Variants in CRMP1 observed in about 807,000 individuals in gnomAD.
CRMP1 encodes the protein dihydropyrimidinase-related protein 1.
Under a neutral mutation model 68.3 loss-of-function variants are expected in CRMP1, and 19 were observed. That is an observed-to-expected ratio of 0.28 (90% CI 0.19 to 0.41). CRMP1 has a LOEUF of 0.41. CRMP1 is among the 10% of genes least tolerant of loss of function. The pLI is 1.00. For synonymous variants in CRMP1, 439 were observed against 399.6 expected (o/e 1.10, Z -1.18); for missense variants, 791 against 967.4 (o/e 0.82, Z 2.42).
chr4:5,844,934 A>T (rs551369609), intron 6 of CRMP1, among the ~76,000 whole-genome samples: 11 of 152,242 alleles, frequency 7.2e-5, no homozygotes, highest in Non-Finnish European at 1.2e-4. Flanking sequence ...CTCACGCATC[A>T]CGGTTCCAAA....
intron 8 of CRMP1, among the ~76,000 whole-genome samples, chr4:5,840,818 C>T (rs1197546514): frequency 6.6e-6 from 1 of 152,126 alleles, no homozygotes; most frequent in Non-Finnish European, 1.5e-5. Flanking sequence ...GCAAGCTGTG[C>T]TGTTCTAGCC....
chr4:5,836,107 G>A (rs1187379721), intron 10 of CRMP1, 22 bp from the exon 11 acceptor site: 4 of 1,450,356 alleles, frequency 2.8e-6, no homozygotes, highest in South Asian at 3.3e-5. Context: ...ACCCACAGAT[G>A]AGAAGAGCAT....
Position 5,855,561 on chromosome 4 carries a change from T to C in CRMP1, c.820+582A>G, listed in dbSNP as rs562103409. Among the ~76,000 whole-genome samples, 138 of 152,280 alleles carry C rather than the reference T, an allele frequency of 9.1e-4. No homozygotes were observed. Among genetic ancestry groups the C allele is most frequent in the African/African-American group, 3.2e-3 (133 of 41,560 alleles). On this transcript the variant is annotated intron_variant, in intron 4 of 13. Coordinates refer to ENST00000324989, the MANE Select transcript of CRMP1 (RefSeq NM_001014809.3). This position sits in a 1 kb window ranked among gnomAD's most constrained non-coding sequence, Gnocchi z 4.9. ...AGCCAAGGTGGGAAGCAGGGACATA[T>C]AGACGTGGTCCCCTCCCTCACAGAG...
At chr4:5,839,496 C>G in intron 9 of CRMP1, 26 bp downstream of exon 9, 1 of 1,587,868 alleles carries the variant, frequency 6.3e-7, no homozygotes, top group Non-Finnish European at 8.6e-7. Flanking sequence ...CTGCCTCCCC[C>G]AGCCCCACGT....
rs2286285 is a variant in CRMP1 at position 5,825,435 on chromosome 4, G to A, written c.1969+59C>T. ...GTGTCCATTTCCTCAGAAGCAGCAG[G>A]AAGGACTCGGCCTGAACTGCTGCAA... On this transcript the variant is annotated intron_variant, in intron 13 of 13. Transcript: ENST00000324989. This position sits in a 1 kb window ranked among gnomAD's most constrained non-coding sequence, Gnocchi z 4.4. 8.7e-6 allele frequency: 13 copies of A among 1,502,426 alleles called. No homozygotes were observed. The highest frequency in any genetic ancestry group is 7.6e-5 in the Admixed American group (3 of 39,320). The allele number at this position is 1,502,426 out of a possible 1,614,324, so 93.1% of individuals were successfully genotyped here.
intron 1 of CRMP1, among the ~76,000 whole-genome samples, chr4:5,887,110 G>A (rs987106820): frequency 9.9e-5 from 15 of 152,192 alleles, no homozygotes; most frequent in Admixed American, 5.2e-4. Flanking sequence ...TAGCCTCAGG[G>A]AGCTTTACGT....
At position 5,839,650 on chromosome 4, in the gene CRMP1, G is replaced by C; in HGVS notation, c.1182C>G (p.Ala394=). The C allele has an allele frequency of 1.9e-6, 3 of 1,612,968 alleles. No individual in the cohort carries two copies. Among genetic ancestry groups the C allele is most frequent in the Non-Finnish European group, 2.5e-6 (3 of 1,179,566 alleles). ...KGPLVFGEPI[A]ASLGTDGTHY... ...GGGTGCCATCGGTCCCCAGGCTGGCGGCAATGGGCTCTCCAAAAACTAGGG... is the reference window on the plus strand; with the variant it reads ...GGGTGCCATCGGTCCCCAGGCTGGCCGCAATGGGCTCTCCAAAAACTAGGG... Residue 394 remains alanine (A), a synonymous_variant, in exon 9 of 14, where the codon GCC becomes GCG. Transcript: ENST00000324989.
rs1714006879 is a variant in CRMP1 at position 5,866,463 on chromosome 4, G to A, written c.470+205C>T. 6.6e-6 allele frequency among the ~76,000 whole-genome samples: 1 copy of A among 152,212 alleles called. No individual in the cohort carries two copies. Among genetic ancestry groups the A allele is most frequent in the Non-Finnish European group, 1.5e-5 (1 of 68,034 alleles). On this transcript the variant is annotated intron_variant, in intron 2 of 13. Transcript: ENST00000324989. The surrounding 1 kb of genome is among the most constrained non-coding windows in gnomAD (Gnocchi z 5.9). ...AGCTGCCTCAGCCGTGTGGCAGGGA[G>A]CCTAGCCCGGGGGGGCACCCAAGAA... is the stretch of plus-strand genomic sequence containing the variant.
chr4:5,888,297 T>C lies in CRMP1; in HGVS notation c.381+4292A>G, dbSNP rs1715749353. ...CCTCTGGCGCCCTCGGCCCGGCCGCTGACCTGCGGGGCTGTCTGACTGGAA... is the reference window on the plus strand; with the variant it reads ...CCTCTGGCGCCCTCGGCCCGGCCGCCGACCTGCGGGGCTGTCTGACTGGAA... On this transcript the variant is annotated intron_variant, in intron 1 of 13. Coordinates refer to ENST00000324989, the MANE Select transcript of CRMP1 (RefSeq NM_001014809.3). The surrounding 1 kb of genome is among the most constrained non-coding windows in gnomAD (Gnocchi z 6.4). 7.9e-7 allele frequency: 1 copy of C among 1,258,860 alleles called. No individual in the cohort carries two copies. Among genetic ancestry groups the C allele is most frequent in the Non-Finnish European group, 1.0e-6 (1 of 996,052 alleles). 78.0% of individuals were successfully genotyped at this position (1,258,860 alleles called of 1,614,324 possible). A position where few individuals can be genotyped will look rare whatever the true frequency, so the allele number is the denominator to read the frequency against.
At chr4:5,871,071 G>C (rs1009066013) in intron 1 of CRMP1, among the ~76,000 whole-genome samples, 1 of 152,066 alleles carries the variant, frequency 6.6e-6, no homozygotes, top group African/African-American at 2.4e-5. Context: ...CCTAGAATCA[G>C]ATGGTGGAGC....
At chr4:5,829,822 T>C (rs1263539640) in intron 11 of CRMP1, among the ~76,000 whole-genome samples, 1 of 152,246 alleles carries the variant, frequency 6.6e-6, no homozygotes, top group African/African-American at 2.4e-5. Context: ...TACCATGCCT[T>C]TGCTAAAAAC....
At chr4:5,823,980 C>T (rs1015840811) in intron 13 of CRMP1, among the ~76,000 whole-genome samples, 2 of 152,212 alleles carry the variant, frequency 1.3e-5, no homozygotes, top group Non-Finnish European at 2.9e-5. Context: ...ACCTATCAAC[C>T]TGCCAAGAGG....
Position 5,834,659 on chromosome 4 carries a change from C to T in CRMP1, c.1623+1256G>A, listed in dbSNP as rs912748410. Among the ~76,000 whole-genome samples, 1 of 152,200 alleles carries T rather than the reference C, an allele frequency of 6.6e-6. No individual in the cohort carries two copies. The highest frequency in any genetic ancestry group is 2.4e-5 in the African/African-American group (1 of 41,446). On this transcript the variant is annotated intron_variant, in intron 11 of 13. Transcript: ENST00000324989. The surrounding 1 kb of genome is among the most constrained non-coding windows in gnomAD (Gnocchi z 4.3). The stretch of plus-strand genomic sequence containing the variant: ...CCTCTCAGACGCTCTCCCATTGCCT[C>T]TCCTATGTGCACAGACCCCAAGCAG...
In CRMP1 at chr4:5,877,447, T is replaced by C. The variant is rs1362395566; in HGVS notation, c.382-10691A>G. On this transcript the variant is annotated intron_variant, in intron 1 of 13. Coordinates refer to ENST00000324989, the MANE Select transcript of CRMP1 (RefSeq NM_001014809.3). This position sits in a 1 kb window ranked among gnomAD's most constrained non-coding sequence, Gnocchi z 4.3. ...CCTTCCCCTTGAGCAAGCTCCCCAC[T>C]CTGGCCTCCTTGCAACGGCAAGTGC... 6.6e-6 allele frequency among the ~76,000 whole-genome samples: 1 copy of C among 152,204 alleles called. No homozygotes were observed. Among genetic ancestry groups the C allele is most frequent in the Admixed American group, 6.5e-5 (1 of 15,290 alleles).
chr4:5,848,384 G>T (rs555700091), intron 6 of CRMP1, among the ~76,000 whole-genome samples: 144 of 152,198 alleles, frequency 9.5e-4, no homozygotes, highest in Admixed American at 2.2e-3. Context: ...GTAGAGATGG[G>T]GTTTTGCCAT....
At chr4:5,824,832 T>C in intron 13 of CRMP1, 6 of 985,408 alleles carry the variant, frequency 6.1e-6, no homozygotes, top group Non-Finnish European at 7.2e-6. Flanking sequence ...TTTCTCAACG[T>C]GTGCGTGCCT....
chr4:5,824,483 C>CCTCTCT (rs148717534), intron 13 of CRMP1: 6 of 942,282 alleles, frequency 6.4e-6, no homozygotes, highest in Admixed American at 6.3e-5. Flanking sequence ...CACACGTCAT[C>CCTCTCT]CTCTCTCTCT....
chr4:5,851,644 C>T (rs967566314), intron 4 of CRMP1, among the ~76,000 whole-genome samples, 175 bp from the exon 5 acceptor site: 1 of 151,836 alleles, frequency 6.6e-6, no homozygotes, highest in Non-Finnish European at 1.5e-5. Flanking sequence ...TCAAAGGAAG[C>T]TTCCAGGGAA....
At chr4:5,824,748 A>G in intron 13 of CRMP1, 2 of 985,112 alleles carry the variant, frequency 2.0e-6, no homozygotes, top group Non-Finnish European at 2.4e-6. Flanking sequence ...AAATCACCAT[A>G]CTCTTAGTAC....
Sources: gnomAD v4.1 joint callset for allele counts (sites outside exome capture counted in the v4.1 genomes callset) on GRCh38, gnomAD v4.1.1 for gene constraint, Gnocchi (gnomAD v3.1) non-coding constraint, MANE v1.5 for transcripts, NCBI Gene and HGNC (gene_info 2026-07-23, HGNC 2026-07-21) for gene names.